OSBP2: variants seen among roughly 807,000 people sequenced by gnomAD.
OSBP2 encodes oxysterol-binding protein 2.
In OSBP2, 66 loss-of-function variants were observed where a neutral mutation model predicts 96.0. That is an observed-to-expected ratio of 0.69 (90% CI 0.56 to 0.84). The LOEUF (loss-of-function observed/expected upper bound fraction) is 0.84. OSBP2 is among the 40% of genes least tolerant of loss of function. OSBP2 has a pLI of 0.00. For synonymous variants in OSBP2, 525 were observed against 520.9 expected, an observed-to-expected ratio of 1.01 and a Z score of -0.11; for missense variants, 1,038 against 1,222.7, an observed-to-expected ratio of 0.85 and a Z score of 2.25.
rs554259753 is a variant in OSBP2 at position 30,857,675 on chromosome 22, A to G, written c.854-12754A>G. ...TTAAGCACTTTACAGGCATTAACCC[A>G]TTTTGTAGATGAAGACTGAAGGTTA... On this transcript the variant is annotated intron_variant, in intron 2 of 13. Coordinates refer to ENST00000332585, the MANE Select transcript of OSBP2 (RefSeq NM_030758.4). 3.2e-4 allele frequency among the ~76,000 whole-genome samples: 48 copies of G among 152,332 alleles called. No individual in the cohort carries two copies. In the South Asian group the frequency reaches 9.5e-3, roughly 30 times the overall value.
intron 1 of OSBP2, among the ~76,000 whole-genome samples, chr22:30,732,533 C>G (rs2089795750): frequency 6.6e-6 from 1 of 152,116 alleles, no homozygotes; most frequent in Non-Finnish European, 1.5e-5. Flanking sequence ...CGTAGGTGGC[C>G]AAGTGGTTGT....
At chr22:30,729,020 G>A (rs2089700563) in intron 1 of OSBP2, among the ~76,000 whole-genome samples, 1 of 152,146 alleles carries the variant, frequency 6.6e-6, no homozygotes, top group Non-Finnish European at 1.5e-5. Context: ...ATCCACAGGA[G>A]TAAAATTGCT....
At chr22:30,780,489 G>T (rs556910218) in intron 2 of OSBP2, among the ~76,000 whole-genome samples, 1 of 152,150 alleles carries the variant, frequency 6.6e-6, no homozygotes, top group South Asian at 2.1e-4. Context: ...TCACTAAACT[G>T]TTTTTTGTTT....
intron 1 of OSBP2, among the ~76,000 whole-genome samples, chr22:30,738,627 C>T (rs2145735598): frequency 6.6e-6 from 1 of 151,556 alleles, no homozygotes; most frequent in Middle Eastern, 3.4e-3. Context: ...ATGGTGCAAT[C>T]TTGTCTCATT....
At position 30,890,879 on chromosome 22, in the gene OSBP2, T is replaced by G. The variant is rs1456307535; in HGVS notation, c.1775T>G (p.Val592Gly). Residue 592 changes from valine (V) to glycine (G), a missense_variant, in exon 8 of 14, where the codon GTG becomes GGG. By Grantham distance (109) the Val-to-Gly change is moderately radical. Transcript: ENST00000332585. The surrounding 1 kb of genome is among the most constrained non-coding windows in gnomAD (Gnocchi z 4.4). ...TCTGTGTCCTCCTACTCCACCACAG[T>G]GCACCGCATCGCCAAGCCCTTCAAC... ...AFSVSSYSTT[V>G]HRIAKPFNPM... 19 of 1,613,608 alleles carry G rather than the reference T, an allele frequency of 1.2e-5. No individual in the cohort carries two copies. Among genetic ancestry groups the G allele is most frequent in the Non-Finnish European group, 1.6e-5 (19 of 1,180,048 alleles).
intron 1 of OSBP2, among the ~76,000 whole-genome samples, chr22:30,730,904 G>A (rs2089768803): frequency 6.7e-6 from 1 of 148,956 alleles, no homozygotes. Context: ...GCCGGGCGCG[G>A]TGCCTCACGC....
At chr22:30,892,960 G>A (rs1318257285) in intron 8 of OSBP2, among the ~76,000 whole-genome samples, 162 bp from the exon 9 acceptor site, 1 of 152,010 alleles carries the variant, frequency 6.6e-6, no homozygotes, top group Admixed American at 6.5e-5. Flanking sequence ...CTTCCTGGGG[G>A]CCTGCCTTGG....
chr22:30,905,747 A>AGG (rs10625967), intron 12 of OSBP2, 90 bp from the exon 13 acceptor site: 1,551,909 of 1,551,958 alleles, frequency 1, 775,930 homozygotes, highest in Middle Eastern at 1. Flanking sequence ...GCGACCCGGG[A>AGG]GGAGACACCG....
Position 30,870,439 on chromosome 22 carries a change from GGAC to G in OSBP2, c.873_875del (p.Asp291del), listed in dbSNP as rs763770365. 16 of 1,613,776 alleles carry G rather than the reference GGAC, an allele frequency of 9.9e-6. No homozygotes were observed. The highest frequency in any genetic ancestry group is 1.4e-5 in the Non-Finnish European group (16 of 1,180,028). On this transcript the variant is annotated inframe_deletion, in exon 3 of 14. Transcript: ENST00000332585. The surrounding 1 kb of genome is among the most constrained non-coding windows in gnomAD (Gnocchi z 4.1). ...TATTTTCTTCCACAGATGACTCTGG[GGAC>G]GACGACGAGGCTACCACCCCAGCCG...
intron 8 of OSBP2, among the ~76,000 whole-genome samples, chr22:30,891,501 G>A (rs946874303): frequency 6.6e-6 from 1 of 152,232 alleles, no homozygotes; most frequent in Non-Finnish European, 1.5e-5. Flanking sequence ...AGGTGATTCT[G>A]TTGGTGCTGG....
intron 2 of OSBP2, among the ~76,000 whole-genome samples, chr22:30,819,050 G>A (rs1922047983): frequency 1.3e-5 from 2 of 152,284 alleles, no homozygotes; most frequent in Admixed American, 6.5e-5. Context: ...AAAGACACCC[G>A]TGGGCCAGGT....
At chr22:30,901,365 A>G (rs2147187892) in intron 12 of OSBP2, among the ~76,000 whole-genome samples, 1 of 152,312 alleles carries the variant, frequency 6.6e-6, no homozygotes, top group South Asian at 2.1e-4. Context: ...CACCATGCCC[A>G]GCCCACATAA....
At chr22:30,855,571 A>T (rs2039063371) in intron 2 of OSBP2, among the ~76,000 whole-genome samples, 1 of 152,212 alleles carries the variant, frequency 6.6e-6, no homozygotes, top group African/African-American at 2.4e-5. Context: ...CTCTAAGAAA[A>T]GGGGCCTTTT....
intron 2 of OSBP2, among the ~76,000 whole-genome samples, chr22:30,862,809 T>TA (rs1456088703): frequency 1.3e-5 from 2 of 150,102 alleles, no homozygotes; most frequent in African/African-American, 4.9e-5. Flanking sequence ...CCGTCTCTAC[T>TA]AAAAATACAA....
At chr22:30,734,818 G>C (rs1389069968) in intron 1 of OSBP2, among the ~76,000 whole-genome samples, 1 of 152,186 alleles carries the variant, frequency 6.6e-6, no homozygotes, top group East Asian at 1.9e-4. Context: ...ATAATTTTAA[G>C]GGTTGTTAGC....
intron 1 of OSBP2, among the ~76,000 whole-genome samples, chr22:30,721,122 G>A (rs966655192): frequency 2.0e-5 from 3 of 152,124 alleles, no homozygotes; most frequent in African/African-American, 7.2e-5. Context: ...AGCTACTTGG[G>A]AGGCTGAGGC....
chr22:30,842,880 A>G (rs2038783188), intron 2 of OSBP2, among the ~76,000 whole-genome samples: 1 of 152,080 alleles, frequency 6.6e-6, no homozygotes, highest in African/African-American at 2.4e-5. Flanking sequence ...CCTGGGTTCA[A>G]GCGATTCTCC....
intron 1 of OSBP2, among the ~76,000 whole-genome samples, chr22:30,730,148 A>G (rs1602182520): frequency 6.6e-6 from 1 of 152,020 alleles, no homozygotes; most frequent in African/African-American, 2.4e-5. Context: ...TTTTTAGTAG[A>G]GACGGGATTT....
intron 2 of OSBP2, among the ~76,000 whole-genome samples, chr22:30,749,825 C>G (rs1261976232): frequency 6.6e-6 from 1 of 152,112 alleles, no homozygotes; most frequent in Non-Finnish European, 1.5e-5. Context: ...CCAGGCTGGT[C>G]TTGAACTCCT....
Sources: allele counts gnomAD v4.1 joint callset (sites outside exome capture counted in the v4.1 genomes callset), GRCh38; gene constraint gnomAD v4.1.1; non-coding constraint Gnocchi (gnomAD v3.1); transcripts MANE v1.5; gene names NCBI Gene and HGNC (gene_info 2026-07-23, HGNC 2026-07-21).